NWD1: variants seen among roughly 807,000 people sequenced by gnomAD.
NWD1 encodes the protein NACHT and WD repeat domain containing 1, also known as NACHT domain- and WD repeat-containing protein 1.
Under a neutral mutation model 135.1 loss-of-function variants are expected in NWD1, and 129 were observed. The observed-to-expected ratio is 0.96, with a 90% CI of 0.83 to 1.11. The LOEUF is 1.11. NWD1 is among the 50% of genes least tolerant of loss of function. NWD1 has a pLI of 0.00. For missense variants in NWD1, 1,740 were observed against 1,851.3 expected (o/e 0.94, Z 1.10); for synonymous variants, 773 against 786.0 (o/e 0.98, Z 0.28).
At position 16,749,395 on chromosome 19, in the gene NWD1, G is replaced by A. The variant is rs752393605; in HGVS notation, c.753G>A (p.Val251=). 1.9e-5 allele frequency: 30 copies of A among 1,613,910 alleles called. No individual in the cohort carries two copies. In the East Asian group the frequency reaches 6.0e-4, roughly 32 times the overall value. Residue 251 remains valine, a synonymous_variant, in exon 6 of 19, where the codon GTG becomes GTA. Coordinates refer to ENST00000524140, the MANE Select transcript of NWD1 (RefSeq NM_001007525.5). The part of the protein sequence containing the change: ...THRLPWSRDL[V]NPKNKTHACY... ...GCCTGCCGTGGAGCCGCGACTTGGT[G>A]AACCCCAAGAACAAGACTCACGCCT...
intron 17 of NWD1, among the ~76,000 whole-genome samples, chr19:16,807,231 C>T (rs1043747536): frequency 1.4e-4 from 21 of 150,170 alleles, no homozygotes; most frequent in Admixed American, 4.7e-4. Context: ...TGGTGGCTCA[C>T]GCCTGTAATC....
chr19:16,787,412 CTCAATTA>C (rs1409148487), intron 12 of NWD1, among the ~76,000 whole-genome samples: 3 of 152,260 alleles, frequency 2.0e-5, no homozygotes, highest in Admixed American at 2.0e-4. Context: ...CTTTATAAAA[CTCAATTA>C]TCTGTTTAGT....
chr19:16,792,876 C>CAAAAAAA (rs1189102088), intron 14 of NWD1, among the ~76,000 whole-genome samples: 1 of 51,878 alleles, frequency 1.9e-5, no homozygotes, highest in African/African-American at 6.3e-5. Context: ...AACTCCATCT[C>CAAAAAAA]AAAAAAAAAA....
Position 16,765,068 on chromosome 19 carries a change from T to C in NWD1, c.2286T>C (p.Ser762=), listed in dbSNP as rs1969171209. The part of the protein sequence containing the change: ...SMSWISCRGI[S]GGIEDLLDDF... ...GCTGGATTTCCTGCCGGGGCATCTCTGGGGGCATTGAAGACCTGCTGGATG... is the reference window on the plus strand; with the variant it reads ...GCTGGATTTCCTGCCGGGGCATCTCCGGGGGCATTGAAGACCTGCTGGATG... Residue 762 remains serine, a synonymous_variant, in exon 10 of 19, where the codon TCT becomes TCC. Transcript: ENST00000524140. The C allele has an allele frequency of 1.9e-6, 3 of 1,613,954 alleles. No individual in the cohort carries two copies. Among genetic ancestry groups the C allele is most frequent in the Non-Finnish European group, 8.5e-7 (1 of 1,180,018 alleles).
Position 16,781,615 on chromosome 19 carries a change from C to CA in NWD1, c.2731+2160dup, listed in dbSNP as rs528725858. Among the ~76,000 whole-genome samples the CA allele has an allele frequency of 2.7e-4, 38 of 142,388 alleles. 1 individual carries two copies. The highest frequency in any genetic ancestry group is 2.4e-3 in the East Asian group (12 of 4,924). 93.4% of individuals were successfully genotyped at this position (142,388 alleles called of 152,430 possible). On this transcript the variant is annotated intron_variant, in intron 12 of 18. Coordinates refer to ENST00000524140, the MANE Select transcript of NWD1 (RefSeq NM_001007525.5). ...TGTGCAACACAGCGAGACCCTATCT[C>CA]AAAAAAAAAAGCAAGACTACATTTA...
rs147107714 is a variant in NWD1 at position 16,743,071 on chromosome 19, C to T, written c.199-1350C>T. Among the ~76,000 whole-genome samples, 403 of 151,976 alleles carry T rather than the reference C, an allele frequency of 2.7e-3. 1 individual carries two copies. Among genetic ancestry groups the T allele is most frequent in the African/African-American group, 9.2e-3 (381 of 41,462 alleles). On this transcript the variant is annotated intron_variant, in intron 4 of 18. Coordinates refer to ENST00000524140, the MANE Select transcript of NWD1 (RefSeq NM_001007525.5). ...GGGATTACACCTGCACGCCACCATG[C>T]CTGGCTAATTTTTGTATTTTTAGTA...
chr19:16,761,559 C>T (rs1177563392), intron 7 of NWD1, among the ~76,000 whole-genome samples: 1 of 151,878 alleles, frequency 6.6e-6, no homozygotes, highest in Non-Finnish European at 1.5e-5. Context: ...GACAGGGTTT[C>T]ACCACGTTGG....
rs754665299 is a variant in NWD1, at chr19:16,812,890, CT to C, written c.4288-2137del. The C allele has an allele frequency of 5.1e-6, 4 of 780,464 alleles. No homozygotes were observed. In the South Asian group the frequency reaches 5.4e-5, roughly 10 times the overall value. The allele number at this position is 780,464 out of a possible 1,614,324, so 48.3% of individuals were successfully genotyped here. On this transcript the variant is annotated intron_variant, in intron 18 of 18. Transcript: ENST00000524140. ...TTTTAGGGCAGGATTGAGCTTCGAT[CT>C]GGAGAGAAAAGGCTCTGACCTGGGT...
At chr19:16,769,884 C>A (rs974561973) in intron 10 of NWD1, among the ~76,000 whole-genome samples, 1 of 152,170 alleles carries the variant, frequency 6.6e-6, no homozygotes, top group Non-Finnish European at 1.5e-5. Context: ...GTTGTCCAGG[C>A]TGGAGTGCAA....
chr19:16,745,273 A>C, intron 5 of NWD1: 1 of 326,346 alleles, frequency 3.1e-6, no homozygotes, highest in South Asian at 2.3e-5. Flanking sequence ...ATTATCTCCC[A>C]CCAGGTCCCT....
chr19:16,774,453 T>C (rs1345340268), intron 11 of NWD1, among the ~76,000 whole-genome samples: 1 of 148,798 alleles, frequency 6.7e-6, no homozygotes, highest in African/African-American at 2.5e-5. Flanking sequence ...TCATCTACTG[T>C]TCCACTGTTC....
intron 18 of NWD1, among the ~76,000 whole-genome samples, chr19:16,811,791 CCTGGTT>C (rs1422374075): frequency 2.0e-5 from 3 of 151,926 alleles, no homozygotes; most frequent in Admixed American, 2.0e-4. Flanking sequence ...CGCTTCAAAG[CCTGGTT>C]CTGAGGTCAG....
At chr19:16,770,678 C>G (rs1300387902) in intron 10 of NWD1, among the ~76,000 whole-genome samples, 1 of 152,114 alleles carries the variant, frequency 6.6e-6, no homozygotes, top group Non-Finnish European at 1.5e-5. Context: ...GACCATCCCA[C>G]CTAGGGCTGC....
chr19:16,746,013 T>C (rs2122781350), intron 5 of NWD1, among the ~76,000 whole-genome samples: 1 of 152,226 alleles, frequency 6.6e-6, no homozygotes, highest in East Asian at 1.9e-4. Context: ...AAAATCTGTG[T>C]ATAACTTTTG....
intron 17 of NWD1, among the ~76,000 whole-genome samples, chr19:16,804,605 T>TTTTTA (rs1472506484): frequency 5.9e-5 from 9 of 151,774 alleles, no homozygotes; most frequent in African/African-American, 2.2e-4. Flanking sequence ...TTTTTTTTTT[T>TTTTTA]AATTTAAAGA....
At position 16,744,726 on chromosome 19, in the gene NWD1, C is replaced by T. The variant is rs1023875941; in HGVS notation, c.496+8C>T. On this transcript the variant is annotated splice_region_variant and intron_variant, in intron 5 of 18. Coordinates refer to ENST00000524140, the MANE Select transcript of NWD1 (RefSeq NM_001007525.5). Reference sequence around the variant, plus strand: ...AGCACTACCACCGGTCAGGTGAGGCCGCAGGGACTCCCCTCTGGAGACCCA... The same window carrying T: ...AGCACTACCACCGGTCAGGTGAGGCTGCAGGGACTCCCCTCTGGAGACCCA... 4.5e-5 allele frequency: 69 copies of T among 1,534,560 alleles called. No homozygotes were observed. Among genetic ancestry groups the T allele is most frequent in the South Asian group, 1.5e-4 (13 of 84,026 alleles).
At chr19:16,786,175 T>C (rs929807742) in intron 12 of NWD1, among the ~76,000 whole-genome samples, 3 of 140,442 alleles carry the variant, frequency 2.1e-5, no homozygotes, top group South Asian at 2.2e-4. Flanking sequence ...ATTTTTATTA[T>C]TTTTACTTTT....
At chr19:16,757,908 C>A (rs1024499784) in intron 6 of NWD1, among the ~76,000 whole-genome samples, 2 of 152,010 alleles carry the variant, frequency 1.3e-5, no homozygotes, top group Admixed American at 6.6e-5. Context: ...AAAAATTAGC[C>A]GGGCGTGGTG....
Position 16,815,067 on chromosome 19 carries a change from A to T in NWD1, c.*28A>T, listed in dbSNP as rs1971028381. On this transcript the variant is annotated 3_prime_UTR_variant, in exon 19 of 19. Coordinates refer to ENST00000524140, the MANE Select transcript of NWD1 (RefSeq NM_001007525.5). Reference sequence around the variant, plus strand: ...GTCCAGTTTGTCCATGCTGTGGTAAACAGAATCATCCCAACCACCAGTGGC... The same window carrying T: ...GTCCAGTTTGTCCATGCTGTGGTAATCAGAATCATCCCAACCACCAGTGGC... The T allele has an allele frequency of 1.2e-6, 2 of 1,612,572 alleles. No individual in the cohort carries two copies. Among genetic ancestry groups the T allele is most frequent in the South Asian group, 1.1e-5 (1 of 91,044 alleles).
Sources: allele counts gnomAD v4.1 joint callset (sites outside exome capture counted in the v4.1 genomes callset), GRCh38; gene constraint gnomAD v4.1.1; transcripts MANE v1.5; gene names NCBI Gene and HGNC (gene_info 2026-07-23, HGNC 2026-07-21).